COL22A1: variants seen among roughly 807,000 people sequenced by gnomAD.
COL22A1 encodes collagen type XXII alpha 1 chain.
In COL22A1, 221 loss-of-function variants were observed where a neutral mutation model predicts 248.9. The ratio of observed to expected loss-of-function variants is 0.89; its 90% CI spans 0.80 to 0.99. COL22A1 has a LOEUF of 0.99. COL22A1 is among the 50% of genes least tolerant of loss of function. The pLI, the probability that COL22A1 is intolerant of heterozygous loss-of-function variation, is 0.00. For missense variants in COL22A1, 2,240 were observed against 2,179.0 expected, an observed-to-expected ratio of 1.03 and a Z score of -0.56; for synonymous variants, 891 against 793.4, an observed-to-expected ratio of 1.12 and a Z score of -2.07.
At chr8:138,788,813 A>G (rs1815774444) in intron 12 of COL22A1, among the ~76,000 whole-genome samples, 1 of 152,226 alleles carries the variant, frequency 6.6e-6, no homozygotes. Context: ...TTACAAACAT[A>G]AGTCATCTAT....
chr8:138,646,802 G>T, intron 46 of COL22A1, 120 bp from the exon 47 acceptor site: 3 of 687,840 alleles, frequency 4.4e-6, no homozygotes, highest in Non-Finnish European at 7.2e-6. Context: ...TGGGACTTCC[G>T]TCAGCTACCC....
rs114331824 is a variant in COL22A1 at position 138,736,017 on chromosome 8, T to C, written c.2139+1507A>G. On this transcript the variant is annotated intron_variant, in intron 23 of 64. Transcript: ENST00000303045. ...AGGACCAAACGGAAGAGCCCAGCAG[T>C]GACTTGTGCCCACCTGCTTGGTGCC... is the stretch of plus-strand genomic sequence containing the variant. Among the ~76,000 whole-genome samples the C allele has an allele frequency of 1.0e-2, 1,515 of 152,158 alleles. 25 individuals carry two copies. The highest frequency in any genetic ancestry group is 0.035 in the African/African-American group (1,454 of 41,504).
At chr8:138,644,789 A>T (rs1822048556) in intron 47 of COL22A1, among the ~76,000 whole-genome samples, 1 of 152,018 alleles carries the variant, frequency 6.6e-6, no homozygotes, top group Admixed American at 6.6e-5. Flanking sequence ...AAATATATTC[A>T]TTTGGCCAGC....
At chr8:138,705,554 T>A (rs1172061787) in intron 30 of COL22A1, among the ~76,000 whole-genome samples, 2 of 152,154 alleles carry the variant, frequency 1.3e-5, no homozygotes, top group Non-Finnish European at 2.9e-5. Flanking sequence ...GAAGGAGAAA[T>A]AAAATCCTTT....
chr8:138,807,340 G>T (rs910800379), intron 10 of COL22A1, among the ~76,000 whole-genome samples: 1 of 152,184 alleles, frequency 6.6e-6, no homozygotes, highest in Admixed American at 6.5e-5. Flanking sequence ...GGACAGAGGG[G>T]CCCTACCTGG....
In COL22A1 at chr8:138,596,937, G is replaced by A; in HGVS notation, c.4399C>T (p.Leu1467Phe). Reference sequence around the variant, plus strand: ...TGCTTCCCCAGCTCTTCTTGAATAAGCCGACGCAGGGTTTCCATGGATGGA... The same window carrying A: ...TGCTTCCCCAGCTCTTCTTGAATAAACCGACGCAGGGTTTCCATGGATGGA... ...ESPSMETLRR[L>F]IQEELGKQLE... Residue 1467 changes from leucine to phenylalanine, a missense_variant, in exon 62 of 65, where the codon CTT (leucine) becomes TTT (phenylalanine). Leu to Phe is a conservative substitution (Grantham distance 22). Coordinates refer to ENST00000303045, the MANE Select transcript of COL22A1 (RefSeq NM_152888.3). The A allele has an allele frequency of 6.2e-7, 1 of 1,614,066 alleles. No individual in the cohort carries two copies. The highest frequency in any genetic ancestry group is 2.2e-5 in the East Asian group (1 of 44,858).
chr8:138,751,425 T>C (rs1334214063), intron 22 of COL22A1, 33 bp downstream of exon 22: 1 of 1,552,990 alleles, frequency 6.4e-7, no homozygotes, highest in East Asian at 2.3e-5. Context: ...GTGGGTGAGC[T>C]GAGGAATCAC....
At chr8:138,615,926 A>G in intron 55 of COL22A1, 75 bp downstream of exon 55, 1 of 1,043,382 alleles carries the variant, frequency 9.6e-7, no homozygotes, top group Non-Finnish European at 1.5e-6. Flanking sequence ...ATTGTGGGGC[A>G]GTTTCTGGGT....
At chr8:138,818,636 C>A (rs1818866946) in intron 7 of COL22A1, among the ~76,000 whole-genome samples, 1 of 152,184 alleles carries the variant, frequency 6.6e-6, no homozygotes, top group Non-Finnish European at 1.5e-5. Flanking sequence ...CTCTCTCCAT[C>A]TGTGAAATGA....
rs188882764 is a variant in COL22A1 at position 138,621,082 on chromosome 8, T to A, written c.3772-1574A>T. 6.6e-5 allele frequency among the ~76,000 whole-genome samples: 10 copies of A among 152,196 alleles called. No individual in the cohort carries two copies. In the East Asian group the frequency reaches 1.7e-3, roughly 27 times the overall value. On this transcript the variant is annotated intron_variant, in intron 52 of 64. Coordinates refer to ENST00000303045, the MANE Select transcript of COL22A1 (RefSeq NM_152888.3). ...TTTGTGCCCCTCCCATATACAAACT[T>A]TGAATGAGCAACTCAACTTGAAGAG...
rs533614870 is a variant in COL22A1 at position 138,852,651 on chromosome 8, G to A, written c.659-8493C>T. 2.1e-3 allele frequency among the ~76,000 whole-genome samples: 319 copies of A among 152,288 alleles called. 2 individuals carry two copies. Among genetic ancestry groups the A allele is most frequent in the African/African-American group, 7.4e-3 (308 of 41,572 alleles). On this transcript the variant is annotated intron_variant, in intron 3 of 64. Transcript: ENST00000303045. ...ATTCAGTGATGAATGAGAGAGAGGAGAGATGTCTGCAAATTAGGCCCTCAC... is the reference window on the plus strand; with the variant it reads ...ATTCAGTGATGAATGAGAGAGAGGAAAGATGTCTGCAAATTAGGCCCTCAC...
At chr8:138,907,404 A>G (rs1157039634) in intron 1 of COL22A1, among the ~76,000 whole-genome samples, 1 of 152,204 alleles carries the variant, frequency 6.6e-6, no homozygotes, top group Non-Finnish European at 1.5e-5. Flanking sequence ...GGTACAAGAA[A>G]AACCTCTTGA....
chr8:138,589,858 G>A (rs1816888447), intron 64 of COL22A1, among the ~76,000 whole-genome samples: 1 of 152,106 alleles, frequency 6.6e-6, no homozygotes, highest in South Asian at 2.1e-4. Flanking sequence ...CAATTCACAT[G>A]ACCTTAGAGA....
chr8:138,808,474 T>C (rs1020156609), intron 9 of COL22A1, among the ~76,000 whole-genome samples: 2 of 152,320 alleles, frequency 1.3e-5, no homozygotes, highest in Admixed American at 6.5e-5. Flanking sequence ...GTTCATGTAG[T>C]TATTGTTCAC....
At chr8:138,886,858 C>T (rs569742118) in intron 1 of COL22A1, among the ~76,000 whole-genome samples, 47 of 152,218 alleles carry the variant, frequency 3.1e-4, no homozygotes, top group Non-Finnish European at 4.9e-4. Context: ...GTTCTCCATC[C>T]CCTTTCCATG....
In COL22A1 at chr8:138,649,659, C is replaced by A; in HGVS notation, c.3447+6G>T. 6.2e-7 allele frequency: 1 copy of A among 1,611,240 alleles called. No individual in the cohort carries two copies. Among genetic ancestry groups the A allele is most frequent in the South Asian group, 1.1e-5 (1 of 90,524 alleles). On this transcript the variant is annotated splice_donor_region_variant and intron_variant, in intron 46 of 64. Coordinates refer to ENST00000303045, the MANE Select transcript of COL22A1 (RefSeq NM_152888.3). ...ATAAAAATCGAGTTTCCCCTTTTCTCCTTACCTTTTTCCCTTCTGTGCCTT... is the reference window on the plus strand; with the variant it reads ...ATAAAAATCGAGTTTCCCCTTTTCTACTTACCTTTTTCCCTTCTGTGCCTT...
At chr8:138,818,499 T>C (rs1818855752) in intron 7 of COL22A1, among the ~76,000 whole-genome samples, 1 of 152,204 alleles carries the variant, frequency 6.6e-6, no homozygotes, top group African/African-American at 2.4e-5. Flanking sequence ...AGCCCTTTGA[T>C]GTCTGTTATC....
intron 37 of COL22A1, 92 bp from the exon 38 acceptor site, chr8:138,685,404 C>T: frequency 1.0e-6 from 1 of 970,188 alleles, no homozygotes; most frequent in South Asian, 1.4e-5. Flanking sequence ...TGTAGGTTTC[C>T]TGGGGCTGCC....
intron 56 of COL22A1, among the ~76,000 whole-genome samples, chr8:138,612,850 C>T (rs375154145): frequency 6.7e-5 from 9 of 134,352 alleles, no homozygotes; most frequent in East Asian, 4.7e-4. Flanking sequence ...GTAGGAGAAT[C>T]GCTTGAGCCC....
Sources: gnomAD v4.1 joint callset for allele counts (sites outside exome capture counted in the v4.1 genomes callset) on GRCh38, gnomAD v4.1.1 for gene constraint, MANE v1.5 for transcripts, NCBI Gene and HGNC (gene_info 2026-07-23, HGNC 2026-07-21) for gene names.